The following CNTNAP5 variants were observed in gnomAD, a reference collection of about 807,000 sequenced individuals.
CNTNAP5 encodes contactin-associated protein-like 5.
A neutral mutation model predicts 150.2 loss-of-function variants in CNTNAP5; 72 were observed. That is an observed-to-expected ratio of 0.48 (90% CI 0.40 to 0.58). The LOEUF is 0.58. Among genes scored for constraint, CNTNAP5 ranks in the 20% least tolerant of loss-of-function variants. The pLI, the probability that CNTNAP5 is intolerant of heterozygous loss-of-function variation, is 0.00. For missense variants in CNTNAP5, 1,636 were observed against 1,626.2 expected (o/e 1.01, Z -0.10); for synonymous variants, 672 against 619.8 (o/e 1.08, Z -1.25).
intron 3 of CNTNAP5, among the ~76,000 whole-genome samples, chr2:124,364,265 G>A (rs555247923): frequency 6.6e-6 from 1 of 152,156 alleles, no homozygotes; most frequent in South Asian, 2.1e-4. Context: ...ATTCTGGATG[G>A]CTCCAGGGAT....
chr2:124,550,392 T>C (rs1695601339), intron 10 of CNTNAP5, among the ~76,000 whole-genome samples: 1 of 152,166 alleles, frequency 6.6e-6, no homozygotes, highest in African/African-American at 2.4e-5. Flanking sequence ...TATCAGGGTC[T>C]TCATTTTAAC....
intron 12 of CNTNAP5, among the ~76,000 whole-genome samples, chr2:124,634,491 CGTGT>C (rs370767526): frequency 6.6e-6 from 1 of 151,114 alleles, no homozygotes; most frequent in Non-Finnish European, 1.5e-5. Context: ...CAGGCACACA[CGTGT>C]GTGTGTGTGT....
chr2:124,628,935 T>C (rs1677787843), intron 12 of CNTNAP5, among the ~76,000 whole-genome samples: 1 of 152,136 alleles, frequency 6.6e-6, no homozygotes, highest in African/African-American at 2.4e-5. Context: ...CAAAATAGAC[T>C]TTAAGCCAAC....
intron 1 of CNTNAP5, among the ~76,000 whole-genome samples, chr2:124,029,885 T>C (rs1457783952): frequency 6.6e-6 from 1 of 152,086 alleles, no homozygotes; most frequent in African/African-American, 2.4e-5. Context: ...CCCCCTTAGA[T>C]GAGAAGGTGG....
chr2:124,640,432 G>A (rs1678066590), intron 12 of CNTNAP5, among the ~76,000 whole-genome samples: 1 of 152,156 alleles, frequency 6.6e-6, no homozygotes, highest in Admixed American at 6.5e-5. Context: ...TGGCACTAAT[G>A]CAGAGCGCAT....
At chr2:124,812,560 C>A (rs1486130178) in intron 19 of CNTNAP5, among the ~76,000 whole-genome samples, 2 of 152,172 alleles carry the variant, frequency 1.3e-5, no homozygotes, top group Non-Finnish European at 2.9e-5. Flanking sequence ...TATTTGCAAT[C>A]TATTCTCTCT....
chr2:124,679,047 G>C (rs2105066526), intron 13 of CNTNAP5, among the ~76,000 whole-genome samples: 1 of 152,030 alleles, frequency 6.6e-6, no homozygotes, highest in African/African-American at 2.4e-5. Context: ...AAAGCAGAAA[G>C]GGAACTGTCA....
chr2:124,631,450 A>C (rs1425490711), intron 12 of CNTNAP5, among the ~76,000 whole-genome samples: 1 of 152,170 alleles, frequency 6.6e-6, no homozygotes, highest in East Asian at 1.9e-4. Context: ...TCTTTGACAA[A>C]CCTCACAAAA....
intron 1 of CNTNAP5, among the ~76,000 whole-genome samples, chr2:124,066,460 A>G (rs1234065418): frequency 6.6e-6 from 1 of 152,134 alleles, no homozygotes; most frequent in Admixed American, 6.6e-5. Flanking sequence ...GATCAATGGC[A>G]TCTGAGCATT....
chr2:124,366,728 C>G (rs146788395), intron 3 of CNTNAP5, among the ~76,000 whole-genome samples: 1 of 152,170 alleles, frequency 6.6e-6, no homozygotes, highest in African/African-American at 2.4e-5. Context: ...TACCTAAGAC[C>G]TCAATCATCT....
chr2:124,778,427 CAAGTGGTGTCTCAGCCA>C (rs1170795177), intron 17 of CNTNAP5: 1 of 152,448 alleles, frequency 6.6e-6, no homozygotes, highest in Non-Finnish European at 1.5e-5. Flanking sequence ...AACACATGCA[CAAGTGGTGTCTCAGCCA>C]AAGCTTCGTC....
chr2:124,871,119 TTTA>T (rs1489899721), intron 21 of CNTNAP5, among the ~76,000 whole-genome samples: 5 of 152,118 alleles, frequency 3.3e-5, no homozygotes, highest in Non-Finnish European at 5.9e-5. Context: ...TTATTTTTGA[TTTA>T]TTAATATAGA....
intron 13 of CNTNAP5, among the ~76,000 whole-genome samples, chr2:124,711,558 G>C (rs1344493643): frequency 6.6e-6 from 1 of 152,116 alleles, no homozygotes; most frequent in Non-Finnish European, 1.5e-5. Flanking sequence ...AAGCGATATG[G>C]ATATTTATTA....
At chr2:124,459,680 C>A (rs1299953085) in intron 6 of CNTNAP5, among the ~76,000 whole-genome samples, 1 of 150,064 alleles carries the variant, frequency 6.7e-6, no homozygotes, top group Non-Finnish European at 1.5e-5. Context: ...ATCTCTTGAA[C>A]CTGGGAGTTG....
chr2:124,377,481 C>G (rs1690677746), intron 3 of CNTNAP5, among the ~76,000 whole-genome samples: 1 of 151,794 alleles, frequency 6.6e-6, no homozygotes, highest in African/African-American at 2.4e-5. Flanking sequence ...CGAGACCAGA[C>G]CTGACCAATA....
chr2:124,707,349 C>T (rs572282892), intron 13 of CNTNAP5, among the ~76,000 whole-genome samples: 2 of 152,188 alleles, frequency 1.3e-5, no homozygotes, highest in East Asian at 3.9e-4. Flanking sequence ...TCCATTAGAA[C>T]TTGAAATTGA....
At chr2:124,404,353 A>G (rs560521692) in intron 3 of CNTNAP5, among the ~76,000 whole-genome samples, 4 of 152,236 alleles carry the variant, frequency 2.6e-5, no homozygotes, top group African/African-American at 9.6e-5. Context: ...GTCAAAGTCA[A>G]CAGTGTAGGT....
chr2:124,339,765 TA>T (rs1213527103), intron 3 of CNTNAP5, among the ~76,000 whole-genome samples: 1 of 152,012 alleles, frequency 6.6e-6, no homozygotes, highest in African/African-American at 2.4e-5. Flanking sequence ...CTTGGAAGGT[TA>T]GGTTTTTGTA....
chr2:124,133,739 A>C (rs918633663), intron 1 of CNTNAP5, among the ~76,000 whole-genome samples: 1 of 152,144 alleles, frequency 6.6e-6, no homozygotes, highest in Non-Finnish European at 1.5e-5. Context: ...GACCCCTGAC[A>C]TGGTGACAGA....
Sources: gnomAD v4.1 joint callset for allele counts (sites outside exome capture counted in the v4.1 genomes callset) on GRCh38, gnomAD v4.1.1 for gene constraint, MANE v1.5 for transcripts, NCBI Gene and HGNC (gene_info 2026-07-23, HGNC 2026-07-21) for gene names.